Variants in BAHD1 observed in about 807,000 individuals in gnomAD.
BAHD1 encodes the protein bromo adjacent homology domain-containing 1 protein.
Under a neutral mutation model 63.1 loss-of-function variants are expected in BAHD1, and 20 were observed. That is an observed-to-expected ratio of 0.32 (90% confidence interval 0.22 to 0.46). BAHD1 has a LOEUF of 0.46. BAHD1 is among the 20% of genes least tolerant of loss of function. The pLI is 1.00. For synonymous variants in BAHD1, 408 were observed against 426.8 expected, an observed-to-expected ratio of 0.96 and a Z score of 0.54; for missense variants, 939 against 1,071.8, an observed-to-expected ratio of 0.88 and a Z score of 1.73.
intron 3 of BAHD1, 61 bp from the exon 4 acceptor site, chr15:40,463,800 C>T: frequency 1.3e-6 from 2 of 1,580,804 alleles, no homozygotes; most frequent in Non-Finnish European, 1.7e-6. Context: ...CATTCCCTCT[C>T]TCTGTCCTTA....
intron 1 of BAHD1, among the ~76,000 whole-genome samples, chr15:40,445,648 G>A (rs1893521091): frequency 6.6e-6 from 1 of 152,198 alleles, no homozygotes; most frequent in African/African-American, 2.4e-5. Flanking sequence ...CGAGTTTATG[G>A]AGCATTATAC....
At chr15:40,447,703 G>T (rs867958678) in intron 1 of BAHD1, among the ~76,000 whole-genome samples, 1 of 152,062 alleles carries the variant, frequency 6.6e-6, no homozygotes, top group Admixed American at 6.5e-5. Context: ...TAGACAAGGG[G>T]CAGTTAATAT....
intron 1 of BAHD1, among the ~76,000 whole-genome samples, chr15:40,452,612 T>G (rs1344294807): frequency 6.6e-6 from 1 of 151,838 alleles, no homozygotes; most frequent in Non-Finnish European, 1.5e-5. Context: ...TGATCTGGGC[T>G]GTGACCTGCC....
Position 40,461,953 on chromosome 15 carries a change from G to A in BAHD1, c.1474G>A (p.Glu492Lys), listed in dbSNP as rs1248103577. ...SLGQLEFPLPEAGHPASPAHP... is the reference protein window; with the variant it reads ...SLGQLEFPLPKAGHPASPAHP... ...GGGCCAGTTGGAATTTCCTCTCCCG[G>A]AAGCTGGCCACCCAGCCTCACCCGC... is the stretch of plus-strand genomic sequence containing the variant. The change falls in exon 3 of 7, where the codon GAA becomes AAA. Residue 492 changes from glutamate (E) to lysine (K), a missense_variant. By Grantham distance (56) the Glu-to-Lys change is moderately conservative. This residue lies in a region of BAHD1 where 797 missense variants were observed against 813.3 expected (regional missense o/e 0.98). Coordinates refer to ENST00000416165, the MANE Select transcript of BAHD1 (RefSeq NM_014952.5). 7 of 1,610,012 alleles carry A rather than the reference G, an allele frequency of 4.3e-6. No homozygotes were observed. Among genetic ancestry groups the A allele is most frequent in the Non-Finnish European group, 5.9e-6 (7 of 1,177,268 alleles).
chr15:40,450,657 A>T (rs189323609), intron 1 of BAHD1, among the ~76,000 whole-genome samples: 17 of 152,164 alleles, frequency 1.1e-4, no homozygotes, highest in Admixed American at 1.1e-3. Context: ...CTCAGAGCAA[A>T]TGGGTTTTGC....
intron 1 of BAHD1, chr15:40,453,339 C>T (rs1051323355): frequency 2.0e-5 from 3 of 152,230 alleles, no homozygotes; most frequent in South Asian, 4.1e-4. Context: ...TCAGCAGCTT[C>T]ACCTGTTTCT....
chr15:40,442,117 C>T (rs1893421090), intron 1 of BAHD1, among the ~76,000 whole-genome samples: 1 of 152,174 alleles, frequency 6.6e-6, no homozygotes, highest in South Asian at 2.1e-4. Context: ...CCTGCTCGCT[C>T]CGCCGCCTCT....
In BAHD1 at chr15:40,458,211, T is replaced by G. The variant is rs1176998099; in HGVS notation, c.-14-240T>G. 6.6e-6 allele frequency among the ~76,000 whole-genome samples: 1 copy of G among 152,076 alleles called. No homozygotes were observed. The highest frequency in any genetic ancestry group is 2.4e-5 in the African/African-American group (1 of 41,412). On this transcript the variant is annotated intron_variant, in intron 1 of 6. Coordinates refer to ENST00000416165, the MANE Select transcript of BAHD1 (RefSeq NM_014952.5). This position sits in a 1 kb window ranked among gnomAD's most constrained non-coding sequence, Gnocchi z 4.7. ...TCCCTAGGCTCTTCAGGGGCTTAGT[T>G]CAGAGATACCCTAGGCTAAAAGGAA...
chr15:40,448,089 A>G (rs946674981), intron 1 of BAHD1, among the ~76,000 whole-genome samples: 2 of 152,042 alleles, frequency 1.3e-5, no homozygotes, highest in African/African-American at 2.4e-5. Context: ...TAAAAATACA[A>G]AAATTAGCCG....
chr15:40,460,466 CT>C (rs1476954275), intron 2 of BAHD1, among the ~76,000 whole-genome samples: 1 of 152,180 alleles, frequency 6.6e-6, no homozygotes, highest in African/African-American at 2.4e-5. Context: ...CTGAGCATCA[CT>C]TTGCTGGGTG....
chr15:40,446,994 C>A (rs1352260091), intron 1 of BAHD1, among the ~76,000 whole-genome samples: 5 of 152,212 alleles, frequency 3.3e-5, no homozygotes, highest in African/African-American at 1.2e-4. Context: ...GGTTACCTGT[C>A]CACAATGTTT....
At chr15:40,441,495 G>C (rs1049373337) in intron 1 of BAHD1, among the ~76,000 whole-genome samples, 1 of 150,914 alleles carries the variant, frequency 6.6e-6, no homozygotes, top group African/African-American at 2.4e-5. Flanking sequence ...CCTGGGTCCG[G>C]CACCACGGTC....
rs780418645 is a variant in BAHD1 at position 40,459,557 on chromosome 15, A to G, written c.1093A>G (p.Asn365Asp). ...GATGCCTGGCAACCCCGCCGACTAC[A>G]ATGGCCTGTGTGTTGGGCCTGAGCT... ...LPMPGNPADY[N>D]GLCVGPELTA... Residue 365 changes from asparagine (N) to aspartate (D), a missense_variant, in exon 2 of 7, where the codon AAT (asparagine) becomes GAT (aspartate). By Grantham distance (23) the Asn-to-Asp change is conservative. Transcript: ENST00000416165. The G allele has an allele frequency of 3.1e-6, 5 of 1,614,148 alleles. No homozygotes were observed. The highest frequency in any genetic ancestry group is 4.5e-5 in the East Asian group (2 of 44,880).
At chr15:40,451,556 A>G (rs748167037) in intron 1 of BAHD1, among the ~76,000 whole-genome samples, 5 of 152,264 alleles carry the variant, frequency 3.3e-5, no homozygotes, top group Admixed American at 1.3e-4. Flanking sequence ...CTTTACACAC[A>G]TTCTTCTTTA....
chr15:40,458,932 C>T lies in BAHD1; in HGVS notation c.468C>T (p.Asp156=), dbSNP rs1173088934. 2 of 1,595,426 alleles carry T rather than the reference C, an allele frequency of 1.3e-6. No individual in the cohort carries two copies. The highest frequency in any genetic ancestry group is 2.2e-5 in the East Asian group (1 of 44,674). The part of the protein sequence containing the change: ...SRAGDPHRSR[D]RDRATGGWSS... ...CAGGGGATCCCCACCGCAGCCGTGA[C>T]CGTGATCGTGCTACTGGGGGCTGGT... The change falls in exon 2 of 7, where the codon GAC becomes GAT. Residue 156 remains aspartate, a synonymous_variant. Coordinates refer to ENST00000416165, the MANE Select transcript of BAHD1 (RefSeq NM_014952.5). The surrounding 1 kb of genome is among the most constrained non-coding windows in gnomAD (Gnocchi z 4.7).
chr15:40,451,941 C>G (rs1893716896), intron 1 of BAHD1, among the ~76,000 whole-genome samples: 1 of 152,122 alleles, frequency 6.6e-6, no homozygotes, highest in Admixed American at 6.5e-5. Flanking sequence ...TCTAATTTGT[C>G]AGGTTAAAGT....
chr15:40,466,874 A>T lies in BAHD1; in HGVS notation c.*744A>T, dbSNP rs1278017484. The T allele has an allele frequency of 6.6e-6, 1 of 152,364 alleles. No homozygotes were observed. Among genetic ancestry groups the T allele is most frequent in the African/African-American group, 2.4e-5 (1 of 41,424 alleles). 9.4% of individuals were successfully genotyped at this position (152,364 alleles called of 1,614,324 possible). ...TTAACTGATGATTGTGGGGTTTGTC[A>T]TATCTGGGAGGGAAGATGGGTGCTG... On this transcript the variant is annotated 3_prime_UTR_variant, in exon 7 of 7. Coordinates refer to ENST00000416165, the MANE Select transcript of BAHD1 (RefSeq NM_014952.5).
chr15:40,442,350 C>G (rs1022251254), intron 1 of BAHD1, among the ~76,000 whole-genome samples: 1 of 151,948 alleles, frequency 6.6e-6, no homozygotes, highest in South Asian at 2.1e-4. Flanking sequence ...GCTTGCCGCT[C>G]TAGCCGCTCG....
rs958119562 is a variant in BAHD1, at chr15:40,440,994, G to GCCCGGCC, written c.-284_-278dup. Among the ~76,000 whole-genome samples the GCCCGGCC allele has an allele frequency of 6.7e-6, 1 of 150,288 alleles. No individual in the cohort carries two copies. Among genetic ancestry groups the GCCCGGCC allele is most frequent in the African/African-American group, 2.4e-5 (1 of 41,228 alleles). On this transcript the variant is annotated 5_prime_UTR_variant, in exon 1 of 7. Transcript: ENST00000416165. ...CGCGAGCGGCGTAGCGGATCCCGGA[G>GCCCGGCC]CCCGGCCCCCGCCGCCCGCCCGTCC...
Sources: gnomAD v4.1 joint callset for allele counts (sites outside exome capture counted in the v4.1 genomes callset) on GRCh38, gnomAD v4.1.1 for gene constraint, gnomAD v4.1.1 regional missense constraint, Gnocchi (gnomAD v3.1) non-coding constraint, MANE v1.5 for transcripts, NCBI Gene and HGNC (gene_info 2026-07-23, HGNC 2026-07-21) for gene names.